Variants in VRK2 observed in about 807,000 individuals in gnomAD.
VRK2 encodes the protein VRK serine/threonine kinase 2.
Under a neutral mutation model 57.6 loss-of-function variants are expected in VRK2, and 60 were observed. That is an observed-to-expected ratio of 1.04 (90% confidence interval 0.85 to 1.29). The LOEUF is 1.29. Among genes scored for constraint, VRK2 ranks in the 50% most tolerant of loss-of-function variants. The pLI is 0.00. For missense variants in VRK2, 705 were observed against 588.1 expected (o/e 1.20, Z -2.06); for synonymous variants, 231 against 199.2 (o/e 1.16, Z -1.35).
At chr2:58,029,337 G>A (rs930213163) in intron 2 of VRK2, among the ~76,000 whole-genome samples, 5 of 151,960 alleles carry the variant, frequency 3.3e-5, no homozygotes, top group Admixed American at 6.6e-5. Flanking sequence ...ATTCTTTTCT[G>A]TCTTAAACCA....
At chr2:58,041,818 CCTT>C (rs909123827), upstream of VRK2, among the ~76,000 whole-genome samples, 3 of 152,142 alleles carry the variant, frequency 2.0e-5, no homozygotes, top group Admixed American at 6.5e-5. Flanking sequence ...CTCCACAACC[CCTT>C]ATCTTAACCC....
At chr2:57,922,636 A>G (rs1450152689) in intron 1 of VRK2, among the ~76,000 whole-genome samples, 1 of 151,890 alleles carries the variant, frequency 6.6e-6, no homozygotes, top group Admixed American at 6.6e-5. Flanking sequence ...AGGTGTATAT[A>G]TCTATGGGTT....
chr2:58,047,436 C>T, intron 1 of VRK2: 1 of 985,402 alleles, frequency 1.0e-6, no homozygotes, highest in Non-Finnish European at 1.2e-6. Context: ...CTGTCGTTTC[C>T]CTTGGCAGAT....
At chr2:58,064,757 G>C (rs1668394908) in intron 2 of VRK2, among the ~76,000 whole-genome samples, 1 of 151,816 alleles carries the variant, frequency 6.6e-6, no homozygotes, top group South Asian at 2.1e-4. Context: ...ATATGTAATA[G>C]GAAAAGTTTT....
chr2:58,111,887 A>G (rs944806777), intron 7 of VRK2, among the ~76,000 whole-genome samples: 9 of 152,176 alleles, frequency 5.9e-5, no homozygotes, highest in African/African-American at 1.9e-4. Context: ...GAAAGCAAAT[A>G]TTTTAGGCTT....
intron 3 of VRK2, among the ~76,000 whole-genome samples, chr2:58,035,953 A>G (rs1319745038): frequency 6.6e-6 from 1 of 152,100 alleles, no homozygotes; most frequent in Non-Finnish European, 1.5e-5. Context: ...CTTAGAAGAC[A>G]GAACTTCCGT....
intron 7 of VRK2, among the ~76,000 whole-genome samples, chr2:58,098,408 C>G (rs1490022629): frequency 1.3e-5 from 2 of 152,102 alleles, no homozygotes; most frequent in African/African-American, 4.8e-5. Flanking sequence ...ACTCACCACT[C>G]ACTCACTGAC....
At chr2:58,011,088 T>C (rs751508435) in intron 1 of VRK2, among the ~76,000 whole-genome samples, 32 of 152,186 alleles carry the variant, frequency 2.1e-4, no homozygotes, top group Non-Finnish European at 4.3e-4. Flanking sequence ...ATTTGAACTT[T>C]CCCCAATGTA....
intron 1 of VRK2, among the ~76,000 whole-genome samples, chr2:57,979,170 G>T (rs1426292299): frequency 6.6e-6 from 1 of 150,796 alleles, no homozygotes; most frequent in Non-Finnish European, 1.5e-5. Flanking sequence ...TATTCCTTTG[G>T]GTATATACCC....
chr2:57,920,254 G>C (rs1304841277), intron 1 of VRK2, among the ~76,000 whole-genome samples: 1 of 152,102 alleles, frequency 6.6e-6, no homozygotes, highest in Non-Finnish European at 1.5e-5. Flanking sequence ...TCAGCCCAGA[G>C]CACAATGTCT....
chr2:58,080,520 A>C (rs1010558074), intron 2 of VRK2, among the ~76,000 whole-genome samples: 1 of 151,884 alleles, frequency 6.6e-6, no homozygotes, highest in African/African-American at 2.4e-5. Flanking sequence ...AGTTTTTGAC[A>C]TGTATTTTGA....
intron 1 of VRK2, among the ~76,000 whole-genome samples, chr2:57,918,717 C>T (rs1213312155): frequency 6.6e-6 from 1 of 152,006 alleles, no homozygotes; most frequent in African/African-American, 2.4e-5. Context: ...TCTCTAGACC[C>T]AGAAAGAAAA....
At chr2:58,013,433 G>T (rs1673472454) in intron 1 of VRK2, among the ~76,000 whole-genome samples, 1 of 152,174 alleles carries the variant, frequency 6.6e-6, no homozygotes, top group Non-Finnish European at 1.5e-5. Context: ...AAGTCAAAAT[G>T]CTCTATCAGT....
chr2:58,075,154 C>G (rs1669910863), intron 2 of VRK2, among the ~76,000 whole-genome samples: 1 of 152,052 alleles, frequency 6.6e-6, no homozygotes, highest in African/African-American at 2.4e-5. Context: ...ATCTAGTTTT[C>G]TATTCCTGTG....
At chr2:58,146,507 C>CTTAATGTTACATTAGAATATG in intron 12 of VRK2, 33 bp downstream of exon 12, 4 of 1,588,084 alleles carry the variant, frequency 2.5e-6, no homozygotes, top group Non-Finnish European at 3.4e-6. Flanking sequence ...TTTTTTCTAA[C>CTTAATGTTACATTAGAATATG]TTAATGTTAC....
Position 58,046,845 on chromosome 2 carries a change from G to A in VRK2, c.-29G>A. 2 of 985,398 alleles carry A rather than the reference G, an allele frequency of 2.0e-6. No homozygotes were observed. Among genetic ancestry groups the A allele is most frequent in the Non-Finnish European group, 2.4e-6 (2 of 829,890 alleles). 61.0% of individuals were successfully genotyped at this position (985,398 alleles called of 1,614,324 possible). On this transcript the variant is annotated 5_prime_UTR_variant, in exon 1 of 13. Coordinates refer to ENST00000340157, the MANE Select transcript of VRK2 (RefSeq NM_006296.7). Reference sequence around the variant, plus strand: ...AGGTAGGAGGCGGTGCGCGCGGCCCGGCGACGGGGGATCCTGAGGCCCGGT... The same window carrying A: ...AGGTAGGAGGCGGTGCGCGCGGCCCAGCGACGGGGGATCCTGAGGCCCGGT...
At chr2:57,994,957 T>C (rs1202246788) in intron 1 of VRK2, among the ~76,000 whole-genome samples, 1 of 152,192 alleles carries the variant, frequency 6.6e-6, no homozygotes, top group African/African-American at 2.4e-5. Flanking sequence ...ATTCAATTTG[T>C]TGTGATATCT....
At chr2:57,925,547 TTC>T (rs1419592997) in intron 1 of VRK2, among the ~76,000 whole-genome samples, 1 of 151,980 alleles carries the variant, frequency 6.6e-6, no homozygotes, top group Non-Finnish European at 1.5e-5. Flanking sequence ...TTGAAATTTT[TTC>T]TTTTTCATTT....
At chr2:57,937,967 G>T (rs1394860528) in intron 1 of VRK2, among the ~76,000 whole-genome samples, 2 of 151,658 alleles carry the variant, frequency 1.3e-5, no homozygotes, top group African/African-American at 4.8e-5. Flanking sequence ...AAGTAGCTGG[G>T]ACTACAGGTG....
Sources: allele counts gnomAD v4.1 joint callset (sites outside exome capture counted in the v4.1 genomes callset), GRCh38; gene constraint gnomAD v4.1.1; transcripts MANE v1.5; gene names NCBI Gene and HGNC (gene_info 2026-07-23, HGNC 2026-07-21).